CNTN6: variants seen among roughly 807,000 people sequenced by gnomAD.
CNTN6 encodes contactin-6.
A neutral mutation model predicts 122.8 loss-of-function variants in CNTN6; 137 were observed. The observed-to-expected ratio is 1.12, with a 90% CI of 0.97 to 1.29. The LOEUF (loss-of-function observed/expected upper bound fraction) is 1.29. CNTN6 is among the 50% of genes most tolerant of loss of function. The pLI is 0.00. For synonymous variants in CNTN6, 570 were observed against 426.0 expected (o/e 1.34, Z -4.16); for missense variants, 1,634 against 1,223.4 (o/e 1.34, Z -5.01).
intron 14 of CNTN6, 88 bp downstream of exon 14, chr3:1,373,043 C>A: frequency 1.3e-6 from 1 of 747,272 alleles, no homozygotes; most frequent in Non-Finnish European, 2.2e-6. Context: ...AGAAACCACA[C>A]CATGTTATGG....
At chr3:1,342,440 T>A (rs1236443615) in intron 11 of CNTN6, among the ~76,000 whole-genome samples, 1 of 152,194 alleles carries the variant, frequency 6.6e-6, no homozygotes, top group East Asian at 1.9e-4. Context: ...TCTGTTTCTT[T>A]TATAAGCACT....
chr3:1,184,747 A>G (rs1162371406), intron 2 of CNTN6, among the ~76,000 whole-genome samples: 3 of 152,128 alleles, frequency 2.0e-5, no homozygotes, highest in African/African-American at 7.2e-5. Context: ...AATGATCTGG[A>G]TAGCTAAATA....
rs117999361 is a variant in CNTN6 at position 1,366,229 on chromosome 3, T to A, written c.1493-6070T>A. Among the ~76,000 whole-genome samples, 18 of 152,282 alleles carry A rather than the reference T, an allele frequency of 1.2e-4. No individual in the cohort carries two copies. In the East Asian group the frequency reaches 3.3e-3, roughly 28 times the overall value. ...GCAAGAAGAATAGCATGACATGAAA[T>A]GAAAGCGAATAAGTAACCCTTTGTT... On this transcript the variant is annotated intron_variant, in intron 12 of 22. Transcript: ENST00000446702.
rs201602679 is a variant in CNTN6 at position 1,373,576 on chromosome 3, G to A, written c.1787-28G>A. 7 of 1,604,358 alleles carry A rather than the reference G, an allele frequency of 4.4e-6. No individual in the cohort carries two copies. In the East Asian group the frequency reaches 1.6e-4, roughly 36 times the overall value. ...ATTAATGAATGTAAGTATCTCCAAT[G>A]GAGTCATGATAAAACATTTTTTTCA... On this transcript the variant is annotated intron_variant, in intron 14 of 22. Transcript: ENST00000446702.
chr3:1,127,961 G>C (rs1418243435), intron 1 of CNTN6, among the ~76,000 whole-genome samples: 1 of 151,902 alleles, frequency 6.6e-6, no homozygotes, highest in Non-Finnish European at 1.5e-5. Flanking sequence ...AGTGAGCACA[G>C]TCTTTAGGGC....
chr3:1,158,969 C>CACACATATATATATATATAT (rs1553610778), intron 2 of CNTN6, among the ~76,000 whole-genome samples: 5 of 112,968 alleles, frequency 4.4e-5, no homozygotes, highest in African/African-American at 1.9e-4. Flanking sequence ...CACACACACA[C>CACACATATATATATATATAT]ATATATATAT....
At chr3:1,119,577 C>G (rs1426976301) in intron 1 of CNTN6, among the ~76,000 whole-genome samples, 3 of 151,874 alleles carry the variant, frequency 2.0e-5, no homozygotes, top group African/African-American at 7.3e-5. Flanking sequence ...ATGAGAGCCA[C>G]AAGACTAAAA....
chr3:1,328,117 A>T (rs1701796675), intron 10 of CNTN6, among the ~76,000 whole-genome samples: 1 of 151,788 alleles, frequency 6.6e-6, no homozygotes, highest in Admixed American at 6.6e-5. Flanking sequence ...GGTTACAGAA[A>T]TAATCACATT....
intron 7 of CNTN6, among the ~76,000 whole-genome samples, chr3:1,310,888 C>A (rs1018227948): frequency 2.0e-5 from 3 of 152,048 alleles, no homozygotes; most frequent in Non-Finnish European, 2.9e-5. Flanking sequence ...GTAATCCCAG[C>A]TACTCAGGTG....
Position 1,401,468 on chromosome 3 carries a change from C to G in CNTN6, c.2740C>G (p.Leu914Val), listed in dbSNP as rs772399200. The G allele has an allele frequency of 2.5e-6, 4 of 1,612,082 alleles. No individual in the cohort carries two copies. Among genetic ancestry groups the G allele is most frequent in the Non-Finnish European group, 3.4e-6 (4 of 1,178,656 alleles). Residue 914 changes from leucine to valine, a missense_variant, in exon 21 of 23, where the codon CTG becomes GTG. Leu to Val is a conservative substitution (Grantham distance 32). Coordinates refer to ENST00000446702, the MANE Select transcript of CNTN6 (RefSeq NM_001289080.2). ...ACCACCAGCAAACATTGCCTGGAAG[C>G]TGACAAACTCTAAATTATGCTTGAA... ...SQPPANIAWK[L>V]TNSKLCLNWE...
intron 4 of CNTN6, among the ~76,000 whole-genome samples, chr3:1,271,129 T>C (rs1313856302): frequency 6.6e-6 from 1 of 152,178 alleles, no homozygotes; most frequent in Non-Finnish European, 1.5e-5. Context: ...CCGCCCACCT[T>C]GGTGTCCCAA....
At chr3:1,278,272 AT>A (rs2125789436) in intron 4 of CNTN6, 140 bp from the exon 5 acceptor site, 1 of 573,948 alleles carries the variant, frequency 1.7e-6, no homozygotes, top group African/African-American at 1.9e-5. Flanking sequence ...GTGCAGTTAA[AT>A]TGATTGTCAA....
At chr3:1,233,573 A>G (rs1575343301) in intron 4 of CNTN6, among the ~76,000 whole-genome samples, 1 of 151,802 alleles carries the variant, frequency 6.6e-6, no homozygotes, top group East Asian at 1.9e-4. Flanking sequence ...GTCTCTATAA[A>G]AAATACAAAA....
chr3:1,325,977 G>T, intron 9 of CNTN6, 26 bp downstream of exon 9: 1 of 1,593,922 alleles, frequency 6.3e-7, no homozygotes, highest in Non-Finnish European at 8.5e-7. Flanking sequence ...GATATTAAAA[G>T]TTTACCTACT....
chr3:1,193,004 C>T (rs2093724366), intron 2 of CNTN6, among the ~76,000 whole-genome samples: 1 of 152,134 alleles, frequency 6.6e-6, no homozygotes, highest in African/African-American at 2.4e-5. Context: ...GTAGCCCACT[C>T]CTTCTCACTC....
chr3:1,230,551 T>A (rs1420638516), intron 4 of CNTN6, among the ~76,000 whole-genome samples: 1 of 152,254 alleles, frequency 6.6e-6, no homozygotes, highest in Non-Finnish European at 1.5e-5. Flanking sequence ...GCTAGTTTCT[T>A]GTTCTTTTCT....
intron 4 of CNTN6, among the ~76,000 whole-genome samples, chr3:1,269,625 A>G (rs1236665667): frequency 6.6e-6 from 1 of 152,190 alleles, no homozygotes; most frequent in Non-Finnish European, 1.5e-5. Flanking sequence ...ATTATAGAAA[A>G]TCAAATCCAG....
At chr3:1,298,225 T>C (rs1197447104) in intron 7 of CNTN6, 2 of 433,674 alleles carry the variant, frequency 4.6e-6, no homozygotes, top group Non-Finnish European at 8.3e-6. Flanking sequence ...GGTGCTGATA[T>C]TTCCTTAGTT....
intron 1 of CNTN6, among the ~76,000 whole-genome samples, chr3:1,142,531 C>T (rs1395561433): frequency 6.6e-6 from 1 of 152,126 alleles, no homozygotes; most frequent in African/African-American, 2.4e-5. Context: ...GAAATCTTCA[C>T]AGCCAAATAT....
Sources: gnomAD v4.1 joint callset for allele counts (sites outside exome capture counted in the v4.1 genomes callset) on GRCh38, gnomAD v4.1.1 for gene constraint, MANE v1.5 for transcripts, NCBI Gene and HGNC (gene_info 2026-07-23, HGNC 2026-07-21) for gene names.